Variants in CTNNA2 observed in about 807,000 individuals in gnomAD.
The protein encoded by CTNNA2 is catenin alpha-2.
In CTNNA2, 42 loss-of-function variants were observed where a neutral mutation model predicts 101.0. The observed-to-expected ratio is 0.42, with a 90% CI of 0.32 to 0.54. CTNNA2 has a LOEUF of 0.54. Among genes scored for constraint, CTNNA2 ranks in the 20% least tolerant of loss-of-function variants. The pLI is 0.14. For synonymous variants in CTNNA2, 450 were observed against 456.4 expected, an observed-to-expected ratio of 0.99 and a Z score of 0.18; for missense variants, 871 against 1,223.1, an observed-to-expected ratio of 0.71 and a Z score of 4.29.
intron 6 of CTNNA2, among the ~76,000 whole-genome samples, chr2:79,883,035 G>C (rs2104135309): frequency 6.6e-6 from 1 of 152,320 alleles, no homozygotes; most frequent in East Asian, 1.9e-4. Context: ...GTTCTGATGA[G>C]AGAACCTGAT....
intron 7 of CTNNA2, among the ~76,000 whole-genome samples, chr2:79,947,340 G>T (rs1399687382): frequency 6.6e-6 from 1 of 152,150 alleles, no homozygotes; most frequent in Non-Finnish European, 1.5e-5. Flanking sequence ...TGTTTTCATA[G>T]ATTGTGTGTC....
intron 1 of CTNNA2, among the ~76,000 whole-genome samples, chr2:79,620,220 T>C (rs1431706558): frequency 6.6e-6 from 1 of 152,194 alleles, no homozygotes; most frequent in Non-Finnish European, 1.5e-5. Flanking sequence ...CCCATTCAAC[T>C]AGCCCCCACC....
At chr2:79,255,903 A>C (rs1674838672) in intron 2 of CTNNA2, among the ~76,000 whole-genome samples, 1 of 152,176 alleles carries the variant, frequency 6.6e-6, no homozygotes, top group African/African-American at 2.4e-5. Flanking sequence ...AGAGCAAATT[A>C]ATTTTCCAGA....
Position 79,909,718 on chromosome 2 carries a change from A to G in CTNNA2, c.977A>G (p.Asp326Gly). Residue 326 changes from aspartate (D) to glycine (G), a missense_variant, in exon 7 of 19, where the codon GAC becomes GGC. Asp to Gly is a moderately conservative substitution (Grantham distance 94). This residue lies in a region of CTNNA2 where 647 missense variants were observed against 831.5 expected (regional missense o/e 0.78). Transcript: ENST00000402739. The stretch of plus-strand genomic sequence containing the variant: ...GCCGACTCCTCCTGCACGCGAGACG[A>G]CCGGCGCGAGAGGATCGTGGCGGAG... Reference protein sequence around the residue: ...LMADSSCTRDDRRERIVAECN... With the variant: ...LMADSSCTRDGRRERIVAECN... The G allele has an allele frequency of 6.2e-7, 1 of 1,613,942 alleles. No homozygotes were observed. Among genetic ancestry groups the G allele is most frequent in the Non-Finnish European group, 8.5e-7 (1 of 1,179,912 alleles).
intron 9 of CTNNA2, among the ~76,000 whole-genome samples, chr2:80,444,369 C>G (rs553689900): frequency 6.6e-6 from 1 of 152,260 alleles, no homozygotes; most frequent in East Asian, 1.9e-4. Flanking sequence ...GTAGGGAAGA[C>G]AATATAAAAA....
intron 1 of CTNNA2, among the ~76,000 whole-genome samples, chr2:79,187,477 A>C (rs560821964): frequency 6.9e-4 from 105 of 151,982 alleles, no homozygotes; most frequent in African/African-American, 2.4e-3. Context: ...TTAATTTTAA[A>C]TGTGTAACTA....
At chr2:80,452,024 A>G (rs1683559020) in intron 9 of CTNNA2, among the ~76,000 whole-genome samples, 1 of 152,248 alleles carries the variant, frequency 6.6e-6, no homozygotes, top group African/African-American at 2.4e-5. Flanking sequence ...CATATTAAAT[A>G]GATGACTAAT....
intron 9 of CTNNA2, among the ~76,000 whole-genome samples, chr2:80,440,542 G>A (rs747865980): frequency 2.6e-5 from 4 of 152,166 alleles, no homozygotes; most frequent in Non-Finnish European, 4.4e-5. Flanking sequence ...ACATTGAGAC[G>A]AAGTTAGACT....
intron 3 of CTNNA2, among the ~76,000 whole-genome samples, chr2:79,829,741 A>T (rs918519610): frequency 2.2e-4 from 31 of 138,926 alleles, no homozygotes; most frequent in African/African-American, 8.7e-4. Context: ...TATTTTTGAG[A>T]CGGAGTCTCG....
chr2:79,319,737 C>T (rs914640511), intron 3 of CTNNA2: 3 of 152,078 alleles, frequency 2.0e-5, no homozygotes, highest in Admixed American at 2.0e-4. Flanking sequence ...AAGAATAAAA[C>T]ACAATGGACA....
At chr2:80,449,178 G>A (rs892392648) in intron 9 of CTNNA2, among the ~76,000 whole-genome samples, 33 of 152,070 alleles carry the variant, frequency 2.2e-4, no homozygotes, top group African/African-American at 6.5e-4. Context: ...CTGAGAGGCC[G>A]AGGCAGGAGG....
chr2:80,063,917 G>T (rs1008686626), intron 7 of CTNNA2, among the ~76,000 whole-genome samples: 3 of 152,146 alleles, frequency 2.0e-5, no homozygotes, highest in Non-Finnish European at 2.9e-5. Flanking sequence ...GCCCCCTGGG[G>T]ATCATTCTGT....
chr2:80,413,915 C>T (rs572424416), intron 8 of CTNNA2, among the ~76,000 whole-genome samples: 1 of 152,256 alleles, frequency 6.6e-6, no homozygotes, highest in South Asian at 2.1e-4. Flanking sequence ...GAAGTTAACA[C>T]TATTATTCTT....
intron 18 of CTNNA2, among the ~76,000 whole-genome samples, chr2:80,631,653 A>G (rs1041926387): frequency 6.6e-5 from 10 of 152,134 alleles, no homozygotes; most frequent in African/African-American, 1.7e-4. Context: ...GCAGGCACCT[A>G]TATGGAGAAG....
At chr2:80,063,472 A>G (rs1358321706) in intron 7 of CTNNA2, among the ~76,000 whole-genome samples, 1 of 152,254 alleles carries the variant, frequency 6.6e-6, no homozygotes, top group African/African-American at 2.4e-5. Context: ...GAATCTCACA[A>G]TGTTTAGAAA....
chr2:80,383,367 A>G (rs75016708), intron 7 of CTNNA2, among the ~76,000 whole-genome samples: 2,728 of 152,262 alleles, frequency 0.018, 81 homozygotes, highest in African/African-American at 0.061. Context: ...CTTTCTATCA[A>G]TAAACAAGCA....
intron 7 of CTNNA2, among the ~76,000 whole-genome samples, chr2:80,177,301 T>C (rs1424103937): frequency 6.6e-6 from 1 of 152,172 alleles, no homozygotes; most frequent in Non-Finnish European, 1.5e-5. Flanking sequence ...TCATGCAGGA[T>C]AGGCAAATCC....
chr2:79,406,330 TAGG>T (rs3040039), intron 4 of CTNNA2, among the ~76,000 whole-genome samples: 35,584 of 151,822 alleles, frequency 0.23, 4,303 homozygotes, highest in Middle Eastern at 0.38. Context: ...AGGATACATG[TAGG>T]AGGACCACAA....
intron 7 of CTNNA2, among the ~76,000 whole-genome samples, chr2:80,201,666 T>C (rs1166413305): frequency 1.3e-5 from 2 of 152,132 alleles, no homozygotes; most frequent in Admixed American, 6.5e-5. Flanking sequence ...TGAGCCACCG[T>C]GCCCGGCCAC....
Sources: allele counts gnomAD v4.1 joint callset (sites outside exome capture counted in the v4.1 genomes callset), GRCh38; gene constraint gnomAD v4.1.1; regional missense constraint gnomAD v4.1.1; transcripts MANE v1.5; gene names NCBI Gene and HGNC (gene_info 2026-07-23, HGNC 2026-07-21).